The following WDR70 variants were observed in gnomAD, a reference collection of about 807,000 sequenced individuals.
WDR70 encodes WD repeat-containing protein 70.
Under a neutral mutation model 88.6 loss-of-function variants are expected in WDR70, and 53 were observed. That is an observed-to-expected ratio of 0.60 (90% CI 0.48 to 0.75). WDR70 has a LOEUF of 0.75. Ranked by LOEUF, WDR70 falls within the 30% of genes least tolerant of loss-of-function variation. The probability of loss-of-function intolerance (pLI) is 0.00; values close to 1 mark genes in which losing one functional copy is unlikely to be tolerated. For missense variants in WDR70, 610 were observed against 823.2 expected (o/e 0.74, Z 3.17); for synonymous variants, 280 against 270.0 (o/e 1.04, Z -0.36).
intron 7 of WDR70, among the ~76,000 whole-genome samples, chr5:37,446,062 CTT>C (rs1738467736): frequency 6.6e-6 from 1 of 152,210 alleles, no homozygotes; most frequent in African/African-American, 2.4e-5. Flanking sequence ...CCCCAAAACT[CTT>C]TAAGCTGATA....
intron 13 of WDR70, among the ~76,000 whole-genome samples, chr5:37,719,716 C>T (rs886381114): frequency 6.6e-6 from 1 of 152,058 alleles, no homozygotes; most frequent in Admixed American, 6.6e-5. Context: ...CAGCTTTCTC[C>T]TTAGTTCCTC....
intron 7 of WDR70, among the ~76,000 whole-genome samples, chr5:37,447,809 GA>G (rs2112069542): frequency 6.6e-6 from 1 of 152,298 alleles, no homozygotes; most frequent in African/African-American, 2.4e-5. Context: ...AGGAGGGAGG[GA>G]GAGCATTAGG....
At chr5:37,381,160 C>T (rs1482192263) in intron 2 of WDR70, among the ~76,000 whole-genome samples, 1 of 152,212 alleles carries the variant, frequency 6.6e-6, no homozygotes, top group Non-Finnish European at 1.5e-5. Flanking sequence ...TTGCCCCTTT[C>T]GTCTTCAAGC....
At chr5:37,689,933 G>T (rs1287647364) in intron 10 of WDR70, among the ~76,000 whole-genome samples, 2 of 152,170 alleles carry the variant, frequency 1.3e-5, no homozygotes, top group Non-Finnish European at 2.9e-5. Flanking sequence ...GAACATGTTT[G>T]AACCCATCGC....
At chr5:37,621,808 C>T (rs962199225) in intron 10 of WDR70, among the ~76,000 whole-genome samples, 14 of 152,158 alleles carry the variant, frequency 9.2e-5, no homozygotes, top group Non-Finnish European at 2.1e-4. Context: ...TTGCCCATGC[C>T]TATGTCCTGA....
intron 5 of WDR70, among the ~76,000 whole-genome samples, chr5:37,423,481 CTT>C (rs1456120425): frequency 6.7e-6 from 1 of 149,340 alleles, no homozygotes; most frequent in Non-Finnish European, 1.5e-5. Context: ...ATAATCATTG[CTT>C]TTTTAAAATC....
intron 9 of WDR70, among the ~76,000 whole-genome samples, chr5:37,519,617 G>A (rs971001214): frequency 1.4e-5 from 2 of 145,432 alleles, no homozygotes; most frequent in African/African-American, 2.6e-5. Context: ...CGGCGTGGCC[G>A]GGCGGAGGCG....
intron 10 of WDR70, among the ~76,000 whole-genome samples, chr5:37,611,785 T>A (rs1476520423): frequency 7.7e-6 from 1 of 130,716 alleles, no homozygotes; most frequent in African/African-American, 3.1e-5. Context: ...TTCAGCCTTT[T>A]TTTTTTTTTT....
At chr5:37,726,836 C>A in intron 16 of WDR70, 47 bp from the exon 17 acceptor site, 1 of 1,547,942 alleles carries the variant, frequency 6.5e-7, no homozygotes, top group South Asian at 1.3e-5. Context: ...CCTATGTATC[C>A]TCATGCTCAT....
intron 10 of WDR70, among the ~76,000 whole-genome samples, chr5:37,629,383 C>G (rs1744753292): frequency 6.6e-6 from 1 of 152,016 alleles, no homozygotes; most frequent in Admixed American, 6.6e-5. Context: ...CACCTTTACC[C>G]TTCTTTTTTC....
chr5:37,692,507 C>T (rs1273574432), intron 10 of WDR70, among the ~76,000 whole-genome samples: 1 of 152,160 alleles, frequency 6.6e-6, no homozygotes, highest in Non-Finnish European at 1.5e-5. Context: ...CATCAAAAAG[C>T]TTATCCACCA....
At chr5:37,645,164 A>G (rs1182051880) in intron 10 of WDR70, among the ~76,000 whole-genome samples, 1 of 149,008 alleles carries the variant, frequency 6.7e-6, no homozygotes, top group Non-Finnish European at 1.5e-5. Flanking sequence ...AGGATTTGGC[A>G]TGTTATATTT....
intron 10 of WDR70, among the ~76,000 whole-genome samples, chr5:37,669,588 T>G (rs1745963725): frequency 1.3e-5 from 2 of 152,054 alleles, no homozygotes; most frequent in Admixed American, 1.3e-4. Context: ...CCACTGCTGG[T>G]ACCACTTGTG....
intron 7 of WDR70, among the ~76,000 whole-genome samples, chr5:37,466,984 C>T (rs968201954): frequency 6.6e-6 from 1 of 151,942 alleles, no homozygotes; most frequent in African/African-American, 2.4e-5. Context: ...GCCTGTATTC[C>T]TAACACTTTG....
intron 10 of WDR70, among the ~76,000 whole-genome samples, chr5:37,661,985 T>A (rs1285391965): frequency 6.6e-6 from 1 of 152,222 alleles, no homozygotes; most frequent in Non-Finnish European, 1.5e-5. Flanking sequence ...AGGGCTCTTT[T>A]CTGGAAAAGG....
chr5:37,508,178 C>A (rs955297942), intron 8 of WDR70, among the ~76,000 whole-genome samples: 1 of 152,106 alleles, frequency 6.6e-6, no homozygotes, highest in African/African-American at 2.4e-5. Flanking sequence ...AAGCCATCAC[C>A]TCCAATGTTA....
chr5:37,721,416 T>A, intron 14 of WDR70: 2 of 583,386 alleles, frequency 3.4e-6, no homozygotes, highest in Non-Finnish European at 6.1e-6. Context: ...CCACACTGAA[T>A]TCAAAGCGAA....
intron 11 of WDR70, among the ~76,000 whole-genome samples, chr5:37,699,272 A>C (rs1290693480): frequency 1.3e-5 from 2 of 151,840 alleles, no homozygotes; most frequent in Non-Finnish European, 2.9e-5. Context: ...AGAAGTATAA[A>C]ACTAAGTCTA....
intron 11 of WDR70, among the ~76,000 whole-genome samples, chr5:37,699,400 T>TACACACAC (rs780871678): frequency 2.5e-4 from 37 of 147,050 alleles, no homozygotes; most frequent in South Asian, 8.7e-4. Flanking sequence ...TGTATATATA[T>TACACACAC]ATACACACAC....
Sources: gnomAD v4.1 joint callset for allele counts (sites outside exome capture counted in the v4.1 genomes callset) on GRCh38, gnomAD v4.1.1 for gene constraint, MANE v1.5 for transcripts, NCBI Gene and HGNC (gene_info 2026-07-23, HGNC 2026-07-21) for gene names.